The following RNF19A variants were observed in gnomAD, a reference collection of about 807,000 sequenced individuals.
The protein encoded by RNF19A is ring finger protein 19A, RBR E3 ubiquitin protein ligase.
In RNF19A, 32 loss-of-function variants were observed where a neutral mutation model predicts 75.7. That is an observed-to-expected ratio of 0.42 (90% CI 0.32 to 0.57). The LOEUF (loss-of-function observed/expected upper bound fraction) is 0.57. Ranked by LOEUF, RNF19A falls within the 20% of genes least tolerant of loss-of-function variation. The pLI, the probability that RNF19A is intolerant of heterozygous loss-of-function variation, is 0.10. For synonymous variants in RNF19A, 335 were observed against 345.2 expected (o/e 0.97, Z 0.33); for missense variants, 782 against 1,036.3 (o/e 0.75, Z 3.37).
upstream of RNF19A, chr8:100,310,297 C>A: frequency 1.0e-6 from 1 of 961,726 alleles, no homozygotes; most frequent in Non-Finnish European, 1.2e-6. Flanking sequence ...AGCCGCCCCG[C>A]TGCACCCGGG....
chr8:100,260,000 TAA>T lies in RNF19A; in HGVS notation c.1683-5_1683-4del, dbSNP rs1819639661. 1.2e-6 allele frequency: 2 copies of T among 1,612,604 alleles called. No homozygotes were observed. The highest frequency in any genetic ancestry group is 1.7e-5 in the Admixed American group (1 of 59,788). On this transcript the variant is annotated splice_region_variant and splice_polypyrimidine_tract_variant and intron_variant, in intron 8 of 9. Coordinates refer to ENST00000341084, the MANE Select transcript of RNF19A (RefSeq NM_183419.4). This position sits in a 1 kb window ranked among gnomAD's most constrained non-coding sequence, Gnocchi z 4.5. The stretch of plus-strand genomic sequence containing the variant: ...GTACATCTGCTTGTACTTCCAACCT[TAA>T]AGGGGGGTATGAAATCACCAAAATT...
intron 1 of RNF19A, among the ~76,000 whole-genome samples, chr8:100,305,425 C>T (rs1363990279): frequency 2.6e-5 from 4 of 152,178 alleles, no homozygotes; most frequent in Non-Finnish European, 5.9e-5. Flanking sequence ...ATACAAAACG[C>T]CCCTAGAGCT....
chr8:100,280,005 A>T (rs1820708540), intron 2 of RNF19A, among the ~76,000 whole-genome samples: 1 of 152,114 alleles, frequency 6.6e-6, no homozygotes, highest in Non-Finnish European at 1.5e-5. Flanking sequence ...ATCTCTTAAG[A>T]TAGCTATCTT....
intron 1 of RNF19A, among the ~76,000 whole-genome samples, chr8:100,293,324 GA>G (rs1332051878): frequency 1.3e-5 from 2 of 151,754 alleles, no homozygotes; most frequent in African/African-American, 4.8e-5. Flanking sequence ...TTTATCTGGG[GA>G]AAAAAAATGT....
intron 1 of RNF19A, among the ~76,000 whole-genome samples, chr8:100,291,493 T>C (rs1788203): frequency 0.32 from 49,102 of 152,092 alleles, 8,606 homozygotes; most frequent in East Asian, 0.41. Flanking sequence ...TTAAGTATCC[T>C]GACACTACAA....
intron 1 of RNF19A, among the ~76,000 whole-genome samples, chr8:100,302,912 T>C (rs1234269915): frequency 2.0e-5 from 3 of 152,216 alleles, no homozygotes; most frequent in East Asian, 1.9e-4. Context: ...ACAAAATGTA[T>C]CTTATAAGAT....
chr8:100,266,949 T>C lies in RNF19A; in HGVS notation c.1191+1836A>G, dbSNP rs536079375. 3.6e-4 allele frequency among the ~76,000 whole-genome samples: 55 copies of C among 152,364 alleles called. No individual in the cohort carries two copies. The South Asian group carries it at 0.011, about 31-fold the overall frequency. ...ATTATTTTTCTGATTATAAAATGTATGTTGAATATAAAAAATTCAGCTGTT... is the reference window on the plus strand; with the variant it reads ...ATTATTTTTCTGATTATAAAATGTACGTTGAATATAAAAAATTCAGCTGTT... On this transcript the variant is annotated intron_variant, in intron 5 of 9. Transcript: ENST00000341084.
intron 2 of RNF19A, among the ~76,000 whole-genome samples, chr8:100,278,066 C>T (rs1237155753): frequency 1.3e-5 from 2 of 152,220 alleles, no homozygotes; most frequent in African/African-American, 4.8e-5. Flanking sequence ...CCACTTAATA[C>T]TTGTGTAATT....
chr8:100,259,232 A>G lies in RNF19A; in HGVS notation c.1841T>C (p.Met614Thr), dbSNP rs773504557. ...YIPLDKEGNS[M>T]EVQVDIESKP... ...TGACTCAATATCTACTTGCACCTCC[A>G]TACTGTTGCCTTCTCTGAAATATAA... Residue 614 changes from methionine (M) to threonine (T), a missense_variant, in exon 10 of 10, where the codon ATG (methionine) becomes ACG (threonine). Around this residue, in one of 7 missense-constraint regions of RNF19A, gnomAD observed 442 missense variants for 541.6 expected, o/e 0.82. Transcript: ENST00000341084. This position sits in a 1 kb window ranked among gnomAD's most constrained non-coding sequence, Gnocchi z 4.5. 6.2e-7 allele frequency: 1 copy of G among 1,608,796 alleles called. No individual in the cohort carries two copies. The highest frequency in any genetic ancestry group is 1.1e-5 in the South Asian group (1 of 90,834).
In RNF19A at chr8:100,260,100, A is replaced by C; in HGVS notation, c.1683-103T>G. The C allele has an allele frequency of 1.0e-6, 1 of 998,208 alleles. No individual in the cohort carries two copies. The highest frequency in any genetic ancestry group is 1.5e-6 in the Non-Finnish European group (1 of 659,354). 61.8% of individuals were successfully genotyped at this position (998,208 alleles called of 1,614,324 possible). On this transcript the variant is annotated intron_variant, in intron 8 of 9. Transcript: ENST00000341084. The surrounding 1 kb of genome is among the most constrained non-coding windows in gnomAD (Gnocchi z 4.1). Reference sequence around the variant, plus strand: ...TTAAGAACCCTAGTAACCAGAAGCTATTTTAGGAACCATTATTTTTTATTT... The same window carrying C: ...TTAAGAACCCTAGTAACCAGAAGCTCTTTTAGGAACCATTATTTTTTATTT...
intron 2 of RNF19A, among the ~76,000 whole-genome samples, chr8:100,283,131 A>G (rs1377741596): frequency 6.6e-6 from 1 of 151,886 alleles, no homozygotes; most frequent in African/African-American, 2.4e-5. Flanking sequence ...CCAGTATAAT[A>G]AATGTTCTTG....
chr8:100,310,836 C>A (rs1822275768), upstream of RNF19A, among the ~76,000 whole-genome samples: 1 of 152,090 alleles, frequency 6.6e-6, no homozygotes, highest in South Asian at 2.1e-4. Flanking sequence ...TTACTTTAAT[C>A]CAGCTTTATT....
At position 100,258,630 on chromosome 8, in the gene RNF19A, C is replaced by T. The variant is rs527727281; in HGVS notation, c.2443G>A (p.Ala815Thr). 1 of 1,614,024 alleles carries T rather than the reference C, an allele frequency of 6.2e-7. No homozygotes were observed. The highest frequency in any genetic ancestry group is 8.5e-7 in the Non-Finnish European group (1 of 1,179,948). ...KPNVDLYFGDALKETNNNHSH... is the reference protein window; with the variant it reads ...KPNVDLYFGDTLKETNNNHSH... ...TGGTTGTTATTTGTTTCTTTTAGTG[C>T]ATCGCCAAAATATAAATCAACATTA... Residue 815 changes from alanine to threonine, a missense_variant, in exon 10 of 10, where the codon GCA becomes ACA. Ala to Thr is a moderately conservative substitution (Grantham distance 58). This residue lies in a region of RNF19A where 442 missense variants were observed against 541.6 expected (regional missense o/e 0.82). Transcript: ENST00000341084. The surrounding 1 kb of genome is among the most constrained non-coding windows in gnomAD (Gnocchi z 4.3).
intron 2 of RNF19A, among the ~76,000 whole-genome samples, chr8:100,277,493 T>C (rs1164966026): frequency 6.6e-6 from 1 of 152,182 alleles, no homozygotes; most frequent in Non-Finnish European, 1.5e-5. Flanking sequence ...TTTGCATTTT[T>C]AGTAGAGACG....
Position 100,331,133 on chromosome 8 carries a change from G to C in RNF19A, c.-243+4975C>G, listed in dbSNP as rs1461956582. Among the ~76,000 whole-genome samples the C allele has an allele frequency of 6.6e-6, 1 of 152,138 alleles. No homozygotes were observed. Among genetic ancestry groups the C allele is most frequent in the Non-Finnish European group, 1.5e-5 (1 of 68,028 alleles). ...CACATCCCATATGGGTCAGGTGCTG[G>C]GCAATTCAATAAGAAAGACAACATT... On this transcript the variant is annotated intron_variant, in intron 1 of 3. Transcript: ENST00000519527. This position sits in a 1 kb window ranked among gnomAD's most constrained non-coding sequence, Gnocchi z 5.2.
At chr8:100,334,289 AAGGC>A (rs1822647399) in intron 1 of RNF19A, among the ~76,000 whole-genome samples, 1 of 152,234 alleles carries the variant, frequency 6.6e-6, no homozygotes, top group East Asian at 1.9e-4. Context: ...AAGCTCTGTG[AAGGC>A]AGGCAGTATT....
In RNF19A at chr8:100,284,986, AC is replaced by A. The variant is rs146654179; in HGVS notation, c.674+2514del. Among the ~76,000 whole-genome samples the A allele has an allele frequency of 6.6e-6, 1 of 152,124 alleles. No individual in the cohort carries two copies. The highest frequency in any genetic ancestry group is 1.5e-5 in the Non-Finnish European group (1 of 67,984). On this transcript the variant is annotated intron_variant, in intron 2 of 9. Transcript: ENST00000341084. This position sits in a 1 kb window ranked among gnomAD's most constrained non-coding sequence, Gnocchi z 4.3. Reference sequence around the variant, plus strand: ...CAGTGGCTTTACAAGTAACTTGGTTACCCCCTGAAGTTCACATCCCCTCTTC... The same window carrying A: ...CAGTGGCTTTACAAGTAACTTGGTTACCCCTGAAGTTCACATCCCCTCTTC...
At position 100,264,309 on chromosome 8, in the gene RNF19A, T is replaced by C. The variant is rs1358082328; in HGVS notation, c.1307-114A>G. On this transcript the variant is annotated intron_variant, in intron 6 of 9. Transcript: ENST00000341084. The surrounding 1 kb of genome is among the most constrained non-coding windows in gnomAD (Gnocchi z 4.7). Reference sequence around the variant, plus strand: ...CATACAGAGAAAAGCGCCAGGGTTCTGAAGAGTTGGCTGGAACATTTGCCA... The same window carrying C: ...CATACAGAGAAAAGCGCCAGGGTTCCGAAGAGTTGGCTGGAACATTTGCCA... The C allele has an allele frequency of 1.1e-5, 10 of 914,202 alleles. No homozygotes were observed. The highest frequency in any genetic ancestry group is 3.4e-5 in the African/African-American group (2 of 59,528). 56.6% of individuals were successfully genotyped at this position (914,202 alleles called of 1,614,324 possible). A position where few individuals can be genotyped will look rare whatever the true frequency, so the allele number is the denominator to read the frequency against.
intron 1 of RNF19A, among the ~76,000 whole-genome samples, chr8:100,328,564 C>T (rs1189303483): frequency 2.0e-5 from 3 of 152,014 alleles, no homozygotes; most frequent in East Asian, 1.9e-4. Context: ...CTCCACCTCC[C>T]GGGTTCAGGC....
Sources: allele counts gnomAD v4.1 joint callset (sites outside exome capture counted in the v4.1 genomes callset), GRCh38; gene constraint gnomAD v4.1.1; regional missense constraint gnomAD v4.1.1; non-coding constraint Gnocchi (gnomAD v3.1); transcripts MANE v1.5; gene names NCBI Gene and HGNC (gene_info 2026-07-23, HGNC 2026-07-21).